SMCHD1: variants seen among roughly 807,000 people sequenced by gnomAD.
SMCHD1 encodes the protein structural maintenance of chromosomes flexible hinge domain containing 1, also known as structural maintenance of chromosomes flexible hinge domain-containing protein 1.
Under a neutral mutation model 254.7 loss-of-function variants are expected in SMCHD1, and 78 were observed. The ratio of observed to expected loss-of-function variants is 0.31; its 90% confidence interval spans 0.26 to 0.37. The LOEUF (loss-of-function observed/expected upper bound fraction) is 0.37, where lower values mean the gene tolerates loss of function less well. Ranked by LOEUF, SMCHD1 falls within the 10% of genes least tolerant of loss-of-function variation. The probability of loss-of-function intolerance (pLI) is 1.00; values close to 1 mark genes in which losing one functional copy is unlikely to be tolerated. For synonymous variants in SMCHD1, 766 were observed against 794.9 expected (o/e 0.96, Z 0.61); for missense variants, 1,840 against 2,408.1 (o/e 0.76, Z 4.94).
intron 5 of SMCHD1, among the ~76,000 whole-genome samples, chr18:2,684,895 A>G (rs1344656998): frequency 1.3e-5 from 2 of 152,016 alleles, no homozygotes; most frequent in Non-Finnish European, 1.5e-5. Context: ...CGTTTATGCT[A>G]TCTTGGTCTT....
At chr18:2,743,958 A>T in intron 29 of SMCHD1, 30 bp downstream of exon 29, 1 of 1,537,042 alleles carries the variant, frequency 6.5e-7, no homozygotes, top group Non-Finnish European at 8.8e-7. Flanking sequence ...CACTGAAAGA[A>T]TTTAATATCA....
chr18:2,789,471 A>G (rs2076285890), intron 45 of SMCHD1, among the ~76,000 whole-genome samples: 1 of 152,176 alleles, frequency 6.6e-6, no homozygotes, highest in South Asian at 2.1e-4. Flanking sequence ...TAAAAATTAA[A>G]CCTTTAAACC....
At chr18:2,797,799 C>T (rs2076289238) in intron 47 of SMCHD1, among the ~76,000 whole-genome samples, 1 of 152,122 alleles carries the variant, frequency 6.6e-6, no homozygotes, top group Admixed American at 6.5e-5. Context: ...CGCCTGTAAT[C>T]CCAGCTACTC....
intron 1 of SMCHD1, among the ~76,000 whole-genome samples, chr18:2,659,528 C>T (rs1408306128): frequency 6.6e-6 from 1 of 152,174 alleles, no homozygotes; most frequent in Non-Finnish European, 1.5e-5. Context: ...GTTGACTCAC[C>T]TGAGCCCTTG....
At chr18:2,765,391 T>C (rs1357815700) in intron 37 of SMCHD1, among the ~76,000 whole-genome samples, 1 of 152,212 alleles carries the variant, frequency 6.6e-6, no homozygotes, top group East Asian at 1.9e-4. Flanking sequence ...CTTGTATTTT[T>C]GTTGTTGTTC....
At chr18:2,708,914 TTAAC>T (rs2074597684) in intron 17 of SMCHD1, among the ~76,000 whole-genome samples, 4 of 51,578 alleles carry the variant, frequency 7.8e-5, no homozygotes, top group Admixed American at 2.1e-4. Flanking sequence ...ATATAACATA[TTAAC>T]ATGAAATTTA....
At chr18:2,756,246 T>G (rs2075675761) in intron 34 of SMCHD1, among the ~76,000 whole-genome samples, 1 of 152,246 alleles carries the variant, frequency 6.6e-6, no homozygotes, top group African/African-American at 2.4e-5. Flanking sequence ...ATTATTTTTA[T>G]ATATCGATGG....
chr18:2,765,010 T>C (rs964422397), intron 37 of SMCHD1, among the ~76,000 whole-genome samples: 4 of 152,228 alleles, frequency 2.6e-5, no homozygotes, highest in Non-Finnish European at 2.9e-5. Context: ...AGCAACACTA[T>C]ATGTGTGAAC....
intron 41 of SMCHD1, 110 bp downstream of exon 41, chr18:2,772,482 C>A (rs1568359003): frequency 2.1e-6 from 2 of 935,854 alleles, no homozygotes; most frequent in East Asian, 3.0e-5. Context: ...TAATTTACTT[C>A]TTTCCAATAA....
At chr18:2,782,301 G>T (rs969181394) in intron 44 of SMCHD1, among the ~76,000 whole-genome samples, 3 of 152,158 alleles carry the variant, frequency 2.0e-5, no homozygotes, top group Non-Finnish European at 1.5e-5. Flanking sequence ...GGTTGAGGGA[G>T]AATTGAGAAA....
rs753497494 is a variant in SMCHD1 at position 2,751,407 on chromosome 18, A to G, written c.4281+14A>G. The G allele has an allele frequency of 2.7e-6, 4 of 1,473,596 alleles. No homozygotes were observed. The East Asian group carries it at 1.0e-4, about 37-fold the overall frequency. 91.3% of individuals were successfully genotyped at this position (1,473,596 alleles called of 1,614,324 possible). A position where few individuals can be genotyped will look rare whatever the true frequency, so the allele number is the denominator to read the frequency against. On this transcript the variant is annotated intron_variant, in intron 33 of 47. Coordinates refer to ENST00000320876, the MANE Select transcript of SMCHD1 (RefSeq NM_015295.3). The stretch of plus-strand genomic sequence containing the variant: ...CCCCCAGCAAATGTGAGTCATGGGA[A>G]GCATTTTTTGAAGTTAAAAATAGTT...
chr18:2,761,381 A>C (rs2075780664), intron 35 of SMCHD1, among the ~76,000 whole-genome samples: 1 of 152,254 alleles, frequency 6.6e-6, no homozygotes, highest in South Asian at 2.1e-4. Flanking sequence ...ATACTCATGT[A>C]ATACACTTGC....
intron 5 of SMCHD1, among the ~76,000 whole-genome samples, chr18:2,682,196 A>G (rs1316463891): frequency 6.6e-6 from 1 of 151,618 alleles, no homozygotes; most frequent in African/African-American, 2.4e-5. Flanking sequence ...GTTAGATTCA[A>G]GATAGTGAGA....
At chr18:2,768,987 G>A (rs1041176782) in intron 37 of SMCHD1, among the ~76,000 whole-genome samples, 2 of 151,874 alleles carry the variant, frequency 1.3e-5, no homozygotes, top group African/African-American at 2.4e-5. Context: ...GTGCCATATC[G>A]ATTTAGATTT....
rs1450664284 is a variant in SMCHD1, at chr18:2,740,964, A to G, written c.3633+143A>G. The stretch of plus-strand genomic sequence containing the variant: ...TCATAAAAGGCATTTTAAAAACTTG[A>G]AAAAGTTTGAACATATGCAGAAATA... On this transcript the variant is annotated intron_variant, in intron 28 of 47. Coordinates refer to ENST00000320876, the MANE Select transcript of SMCHD1 (RefSeq NM_015295.3). The G allele has an allele frequency of 1.3e-5, 7 of 558,056 alleles. No homozygotes were observed. In the East Asian group the frequency reaches 1.5e-4, roughly 12 times the overall value. The allele number at this position is 558,056 out of a possible 1,614,324, so 34.6% of individuals were successfully genotyped here. A position where few individuals can be genotyped will look rare whatever the true frequency, so the allele number is the denominator to read the frequency against.
chr18:2,771,950 A>G (rs1290308257), intron 40 of SMCHD1, among the ~76,000 whole-genome samples: 3 of 152,182 alleles, frequency 2.0e-5, no homozygotes, highest in Non-Finnish European at 1.5e-5. Context: ...TAAAATTTAT[A>G]TTCTTTTATA....
chr18:2,762,680 GT>G (rs2075807302), intron 36 of SMCHD1, among the ~76,000 whole-genome samples: 1 of 151,948 alleles, frequency 6.6e-6, no homozygotes, highest in Non-Finnish European at 1.5e-5. Context: ...GTTTTGCTGT[GT>G]TTTGCTGTGT....
Position 2,802,515 on chromosome 18 carries a change from C to T in SMCHD1, c.5994-13C>T. On this transcript the variant is annotated splice_polypyrimidine_tract_variant and intron_variant, in intron 47 of 47. Transcript: ENST00000320876. ...TGGTACATAAAACTTTTTTTTCTTT[C>T]CCCTTTGACCAGGATTATAACCAAA... The T allele has an allele frequency of 1.3e-6, 2 of 1,543,282 alleles. No homozygotes were observed. The highest frequency in any genetic ancestry group is 1.7e-6 in the Non-Finnish European group (2 of 1,143,388).
intron 30 of SMCHD1, among the ~76,000 whole-genome samples, chr18:2,748,389 A>ATTTT (rs1378317162): frequency 8.8e-5 from 2 of 22,654 alleles, no homozygotes; most frequent in African/African-American, 3.1e-4. Flanking sequence ...TGTGTATATA[A>ATTTT]ATTTTTTTTT....
Sources: gnomAD v4.1 joint callset for allele counts (sites outside exome capture counted in the v4.1 genomes callset) on GRCh38, gnomAD v4.1.1 for gene constraint, MANE v1.5 for transcripts, NCBI Gene and HGNC (gene_info 2026-07-23, HGNC 2026-07-21) for gene names.